RNLS: variants seen among roughly 807,000 people sequenced by gnomAD.
RNLS encodes renalase, FAD dependent amine oxidase, also known as renalase.
In RNLS, 39 loss-of-function variants were observed where a neutral mutation model predicts 39.8. That is an observed-to-expected ratio of 0.98 (90% CI 0.76 to 1.28). The LOEUF is 1.28. Ranked by LOEUF, RNLS falls within the 50% of genes most tolerant of loss-of-function variation. The probability of loss-of-function intolerance (pLI) is 0.00; values close to 1 mark genes in which losing one functional copy is unlikely to be tolerated. For synonymous variants in RNLS, 147 were observed against 150.7 expected (o/e 0.98, Z 0.18); for missense variants, 410 against 413.3 (o/e 0.99, Z 0.07).
At chr10:88,204,472 C>T in the RNLS span, among the ~76,000 whole-genome samples, 1 of 152,076 alleles carries the variant, frequency 6.6e-6, no homozygotes, top group African/African-American at 2.4e-5. Flanking sequence ...TTGTTTCACC[C>T]AGTAAGTACC....
the RNLS span, among the ~76,000 whole-genome samples, chr10:88,215,873 T>C: frequency 6.6e-6 from 1 of 151,936 alleles, no homozygotes; most frequent in African/African-American, 2.4e-5. Context: ...CTAATTTTTG[T>C]ATTTTTAGTA....
intron 4 of RNLS, among the ~76,000 whole-genome samples, chr10:88,531,975 T>G (rs557093441): frequency 6.6e-6 from 1 of 152,166 alleles, no homozygotes; most frequent in African/African-American, 2.4e-5. Flanking sequence ...AACTACCTAA[T>G]CTTGCTTGCT....
chr10:88,548,317 T>TAAAA (rs1848440192), intron 4 of RNLS, among the ~76,000 whole-genome samples: 1 of 124,276 alleles, frequency 8.0e-6, no homozygotes, highest in Non-Finnish European at 1.7e-5. Flanking sequence ...AAAATAAAAT[T>TAAAA]AAATAGGGCA....
At chr10:88,344,996 G>A (rs1848214341) in intron 5 of RNLS, among the ~76,000 whole-genome samples, 1 of 152,044 alleles carries the variant, frequency 6.6e-6, no homozygotes, top group Admixed American at 6.6e-5. Flanking sequence ...GGAATCTGTA[G>A]GGGCAATGAC....
intron 4 of RNLS, among the ~76,000 whole-genome samples, chr10:88,454,666 T>G (rs1445056005): frequency 1.3e-5 from 2 of 152,184 alleles, no homozygotes; most frequent in African/African-American, 4.8e-5. Context: ...GGTGCTTAAG[T>G]CACTCAGGGG....
chr10:88,479,271 C>T (rs1844010629), intron 4 of RNLS, among the ~76,000 whole-genome samples: 1 of 152,106 alleles, frequency 6.6e-6, no homozygotes, highest in South Asian at 2.1e-4. Context: ...TTACTTGGAT[C>T]ATGAAGCATC....
chr10:88,231,046 C>A, the RNLS span, among the ~76,000 whole-genome samples: 1 of 152,178 alleles, frequency 6.6e-6, no homozygotes, highest in Non-Finnish European at 1.5e-5. Context: ...AACCTCTCAA[C>A]CCACCCTCAA....
intron 4 of RNLS, among the ~76,000 whole-genome samples, chr10:88,389,471 A>C (rs1400025850): frequency 6.6e-6 from 1 of 152,232 alleles, no homozygotes; most frequent in Non-Finnish European, 1.5e-5. Flanking sequence ...TAGAGATTTA[A>C]AAGTCACGAT....
downstream of RNLS, among the ~76,000 whole-genome samples, chr10:88,282,677 C>G (rs897892900): frequency 8.6e-5 from 13 of 151,980 alleles, no homozygotes; most frequent in Non-Finnish European, 1.8e-4. Context: ...CGCCCTCCCC[C>G]CAGTAATATC....
intron 4 of RNLS, among the ~76,000 whole-genome samples, chr10:88,430,347 G>T (rs1855060192): frequency 6.6e-6 from 1 of 151,726 alleles, no homozygotes; most frequent in Non-Finnish European, 1.5e-5. Context: ...TTCTCTAGTA[G>T]ATAGCAGCCT....
At chr10:88,329,242 C>G (rs969631792) in intron 5 of RNLS, among the ~76,000 whole-genome samples, 1 of 151,906 alleles carries the variant, frequency 6.6e-6, no homozygotes, top group East Asian at 1.9e-4. Context: ...TTTATAGAGA[C>G]AGGGTCTTGC....
chr10:88,194,351 G>C, the RNLS span, among the ~76,000 whole-genome samples: 22 of 152,182 alleles, frequency 1.4e-4, no homozygotes, highest in African/African-American at 5.1e-4. Context: ...TAAATGTAGA[G>C]AGCAAAATTG....
At chr10:88,203,309 TATACGTATGTATATATATATATATATAC>T in the RNLS span, among the ~76,000 whole-genome samples, 6 of 14,138 alleles carry the variant, frequency 4.2e-4, 2 homozygotes, top group East Asian at 9.0e-4. Context: ...TATATATATA[TATACGTATGTATATATATATATATATAC>T]ACGTATGTGT....
chr10:88,263,957 T>C, the RNLS span, among the ~76,000 whole-genome samples: 1 of 152,210 alleles, frequency 6.6e-6, no homozygotes, highest in African/African-American at 2.4e-5. Context: ...TGTAGCCTTT[T>C]ATCCCTCACC....
intron 4 of RNLS, among the ~76,000 whole-genome samples, chr10:88,487,878 T>A (rs149546716): frequency 1.3e-5 from 2 of 152,158 alleles, no homozygotes; most frequent in Non-Finnish European, 2.9e-5. Flanking sequence ...ATAAAAGGGA[T>A]ACTAATCAGC....
At chr10:88,505,118 A>G (rs1415023890) in intron 4 of RNLS, among the ~76,000 whole-genome samples, 7 of 152,182 alleles carry the variant, frequency 4.6e-5, no homozygotes, top group Admixed American at 2.0e-4. Context: ...AACATTCCCT[A>G]TTAAAAGAAA....
chr10:88,509,580 C>A (rs913626482), intron 4 of RNLS, among the ~76,000 whole-genome samples: 2 of 151,838 alleles, frequency 1.3e-5, no homozygotes, highest in Non-Finnish European at 2.9e-5. Context: ...CATTTGATTG[C>A]CTTTTTAAAA....
chr10:88,521,886 T>C (rs1422421651), intron 4 of RNLS, among the ~76,000 whole-genome samples: 1 of 152,062 alleles, frequency 6.6e-6, no homozygotes, highest in Admixed American at 6.6e-5. Context: ...GTTCAGATTT[T>C]AGCTAATAAG....
intron 6 of RNLS, among the ~76,000 whole-genome samples, chr10:88,277,426 A>G (rs1842851168): frequency 6.6e-6 from 1 of 152,188 alleles, no homozygotes. Flanking sequence ...ATGTATACCT[A>G]TGTAACAAAT....
Sources: gnomAD v4.1 joint callset for allele counts (sites outside exome capture counted in the v4.1 genomes callset) on GRCh38, gnomAD v4.1.1 for gene constraint, MANE v1.5 for transcripts, NCBI Gene and HGNC (gene_info 2026-07-23, HGNC 2026-07-21) for gene names.